Variants in ASIC2 observed in about 807,000 individuals in gnomAD.
ASIC2 encodes the protein acid sensing ion channel subunit 2, also known as acid-sensing ion channel 2.
Under a neutral mutation model 57.3 loss-of-function variants are expected in ASIC2, and 25 were observed. That is an observed-to-expected ratio of 0.44 (90% CI 0.32 to 0.61). The LOEUF (loss-of-function observed/expected upper bound fraction) is 0.61, where lower values mean the gene tolerates loss of function less well. Ranked by LOEUF, ASIC2 falls within the 20% of genes least tolerant of loss-of-function variation. ASIC2 has a pLI of 0.06. For missense variants in ASIC2, 641 were observed against 738.1 expected (o/e 0.87, Z 1.52); for synonymous variants, 319 against 307.5 (o/e 1.04, Z -0.39).
intron 1 of ASIC2, among the ~76,000 whole-genome samples, chr17:34,088,611 T>C (rs1316987962): frequency 2.0e-5 from 3 of 152,184 alleles, no homozygotes; most frequent in African/African-American, 7.2e-5. Context: ...ACTGCTGTCT[T>C]TTTGTTTGTC....
At position 34,099,124 on chromosome 17, in the gene ASIC2, GAGAGAGAGAGAGAGAGAGAGAC is replaced by G. The variant is rs1276272054; in HGVS notation, c.555+56832_555+56853del. 4.3e-3 allele frequency among the ~76,000 whole-genome samples: 119 copies of G among 27,952 alleles called. 3 individuals carry two copies. The highest frequency in any genetic ancestry group is 0.012 in the African/African-American group (107 of 8,562). The allele number at this position is 27,952 out of a possible 152,430, so 18.3% of individuals were successfully genotyped here. On this transcript the variant is annotated intron_variant, in intron 1 of 9. Transcript: ENST00000359872. ...GAAAAGAGAGAGAGAGAGAGAGAGA[GAGAGAGAGAGAGAGAGAGAGAC>G]AGAGAGAGAGAGAGAGAGAAAGAAA...
chr17:33,411,556 T>C (rs1401312189), intron 1 of ASIC2, among the ~76,000 whole-genome samples: 3 of 152,204 alleles, frequency 2.0e-5, no homozygotes, highest in East Asian at 3.8e-4. Flanking sequence ...GAAGGTATTA[T>C]GGATTCTTTT....
At chr17:33,025,331 G>C (rs1248838902) in intron 5 of ASIC2, among the ~76,000 whole-genome samples, 1 of 152,180 alleles carries the variant, frequency 6.6e-6, no homozygotes, top group Non-Finnish European at 1.5e-5. Context: ...AACCAGCAGA[G>C]GTCTTCTAAC....
chr17:33,108,479 T>TGG (rs2092243947), intron 2 of ASIC2, among the ~76,000 whole-genome samples: 2 of 152,154 alleles, frequency 1.3e-5, no homozygotes, highest in Non-Finnish European at 2.9e-5. Context: ...GCTGTGTCCA[T>TGG]CATCCTCGGG....
chr17:33,610,070 A>G (rs938732429), intron 1 of ASIC2, among the ~76,000 whole-genome samples: 62 of 151,976 alleles, frequency 4.1e-4, no homozygotes, highest in African/African-American at 1.3e-3. Context: ...ACACACACAC[A>G]CACACACACA....
intron 1 of ASIC2, among the ~76,000 whole-genome samples, chr17:33,368,736 T>C (rs943747259): frequency 4.6e-5 from 7 of 152,164 alleles, no homozygotes; most frequent in Admixed American, 3.9e-4. Flanking sequence ...CTTTGCTTCT[T>C]TGGCCACCAT....
rs566911155 is a variant in ASIC2, at chr17:33,858,465, T to C, written c.555+297513A>G. ...CCCTCTGTGCTCTCAACTACAGAAA[T>C]GAATTTTGTTTAGTTCAAAGACCTC... On this transcript the variant is annotated intron_variant, in intron 1 of 9. Coordinates refer to the ASIC2 transcript ENST00000359872. Among the ~76,000 whole-genome samples, 3 of 152,258 alleles carry C rather than the reference T, an allele frequency of 2.0e-5. No homozygotes were observed. The South Asian group carries it at 6.2e-4, about 32-fold the overall frequency.
chr17:33,025,780 C>A (rs761474266), intron 5 of ASIC2, 146 bp downstream of exon 5: 2 of 713,050 alleles, frequency 2.8e-6, no homozygotes, highest in African/African-American at 1.9e-5. Flanking sequence ...CCCATCCCTG[C>A]AGCAACTCCA....
intron 1 of ASIC2, among the ~76,000 whole-genome samples, chr17:33,701,352 T>C (rs1908693646): frequency 6.6e-6 from 1 of 152,198 alleles, no homozygotes; most frequent in Admixed American, 6.5e-5. Flanking sequence ...GGCCAAGCCT[T>C]GGATCATATC....
chr17:33,883,432 G>C (rs1181233376), intron 1 of ASIC2, among the ~76,000 whole-genome samples: 1 of 152,102 alleles, frequency 6.6e-6, no homozygotes, highest in African/African-American at 2.4e-5. Context: ...TTGTTTAATG[G>C]CAGTTAGAAG....
At chr17:33,186,370 C>T (rs1385061280) in intron 1 of ASIC2, among the ~76,000 whole-genome samples, 3 of 152,174 alleles carry the variant, frequency 2.0e-5, no homozygotes, top group Non-Finnish European at 4.4e-5. Context: ...CTCAGCCTCC[C>T]AAAATGCTGG....
chr17:33,579,899 C>T (rs1295339437), intron 1 of ASIC2, among the ~76,000 whole-genome samples: 1 of 140,414 alleles, frequency 7.1e-6, no homozygotes, highest in Non-Finnish European at 1.7e-5. Flanking sequence ...TTACAGAGAG[C>T]TGATTGGTCC....
intron 1 of ASIC2, among the ~76,000 whole-genome samples, chr17:34,143,240 G>C (rs1003714911): frequency 2.6e-5 from 4 of 152,214 alleles, no homozygotes; most frequent in African/African-American, 9.7e-5. Flanking sequence ...CTTACTGAGT[G>C]ACGTTGTGCC....
rs116092707 is a variant in ASIC2, at chr17:33,117,816, C to T, written c.709-5749G>A. ...AAGGAAGTACTATGTGTCTGCTTTT[C>T]GGCAGAAGAGAGATGAGTTATTTAA... On this transcript the variant is annotated intron_variant, in intron 1 of 9. Transcript: ENST00000225823. Among the ~76,000 whole-genome samples the T allele has an allele frequency of 1.8e-3, 269 of 152,218 alleles. 2 individuals are homozygous for T. Among genetic ancestry groups the T allele is most frequent in the African/African-American group, 5.9e-3 (246 of 41,536 alleles).
At chr17:33,548,840 C>T (rs9908788) in intron 1 of ASIC2, among the ~76,000 whole-genome samples, 86,600 of 151,792 alleles carry the variant, frequency 0.57, 26,216 homozygotes, top group African/African-American at 0.79. Context: ...TGGAGTCTCT[C>T]CCCCTGAAGC....
At chr17:33,093,109 G>C (rs567751898) in intron 2 of ASIC2, among the ~76,000 whole-genome samples, 1 of 152,294 alleles carries the variant, frequency 6.6e-6, no homozygotes, top group South Asian at 2.1e-4. Context: ...GTGGGTCCCA[G>C]TGCCAAATGA....
chr17:33,804,298 C>G (rs1158996194), intron 1 of ASIC2, among the ~76,000 whole-genome samples: 2 of 152,176 alleles, frequency 1.3e-5, no homozygotes, highest in East Asian at 1.9e-4. Flanking sequence ...GAAGGAAGCT[C>G]AGTTGCTGAG....
intron 1 of ASIC2, among the ~76,000 whole-genome samples, chr17:33,446,296 A>C (rs922252061): frequency 9.2e-5 from 14 of 152,222 alleles, no homozygotes; most frequent in African/African-American, 3.4e-4. Context: ...ATCTGAACAT[A>C]GTAATCCCTG....
chr17:33,516,963 G>C (rs184521741), intron 1 of ASIC2, among the ~76,000 whole-genome samples: 10 of 152,152 alleles, frequency 6.6e-5, no homozygotes, highest in Admixed American at 6.5e-4. Context: ...AGAATGTATC[G>C]GTGCCGCATG....
Sources: gnomAD v4.1 joint callset for allele counts (sites outside exome capture counted in the v4.1 genomes callset) on GRCh38, gnomAD v4.1.1 for gene constraint, MANE v1.5 for transcripts, NCBI Gene and HGNC (gene_info 2026-07-23, HGNC 2026-07-21) for gene names.